Variants in CCSER1 observed in about 807,000 individuals in gnomAD.
The protein encoded by CCSER1 is coiled-coil serine rich protein 1.
A neutral mutation model predicts 82.0 loss-of-function variants in CCSER1; 41 were observed. The ratio of observed to expected loss-of-function variants is 0.50; its 90% CI spans 0.39 to 0.65. CCSER1 has a LOEUF of 0.65. Among genes scored for constraint, CCSER1 ranks in the 30% least tolerant of loss-of-function variants. CCSER1 has a pLI of 0.00. For synonymous variants in CCSER1, 414 were observed against 383.9 expected, an observed-to-expected ratio of 1.08 and a Z score of -0.92; for missense variants, 1,119 against 1,064.2, an observed-to-expected ratio of 1.05 and a Z score of -0.72.
intron 10 of CCSER1, chr4:91,319,114 C>A: frequency 3.6e-6 from 1 of 276,112 alleles, no homozygotes; most frequent in Non-Finnish European, 7.3e-6. Context: ...CAGACGGTAT[C>A]AGCTTCTGGA....
chr4:91,163,282 T>C (rs1183194354), intron 10 of CCSER1, among the ~76,000 whole-genome samples: 1 of 152,242 alleles, frequency 6.6e-6, no homozygotes, highest in Non-Finnish European at 1.5e-5. Context: ...TTGAGTACAC[T>C]ATGGTCTTAG....
chr4:91,502,225 A>G (rs1248709760), intron 10 of CCSER1, among the ~76,000 whole-genome samples: 2 of 152,168 alleles, frequency 1.3e-5, no homozygotes, highest in African/African-American at 4.8e-5. Flanking sequence ...TTCTTATTAA[A>G]GAGAGGAGAA....
At chr4:90,480,518 A>G (rs951393063) in intron 5 of CCSER1, among the ~76,000 whole-genome samples, 1 of 152,158 alleles carries the variant, frequency 6.6e-6, no homozygotes, top group African/African-American at 2.4e-5. Context: ...TAGGTCTAAC[A>G]TTTAAGTCTT....
intron 6 of CCSER1, among the ~76,000 whole-genome samples, chr4:90,717,360 GA>G (rs1331793973): frequency 2.6e-5 from 4 of 152,186 alleles, no homozygotes; most frequent in Non-Finnish European, 4.4e-5. Flanking sequence ...ATATTATAAA[GA>G]AAAAAGCTTG....
At chr4:90,607,297 G>C (rs1447234729) in intron 5 of CCSER1, among the ~76,000 whole-genome samples, 2 of 152,092 alleles carry the variant, frequency 1.3e-5, no homozygotes, top group Non-Finnish European at 2.9e-5. Flanking sequence ...GTGTTAAAAT[G>C]TTCTCATTCC....
intron 10 of CCSER1, among the ~76,000 whole-genome samples, chr4:91,170,756 G>T (rs1248173053): frequency 1.3e-5 from 2 of 152,050 alleles, no homozygotes; most frequent in Non-Finnish European, 2.9e-5. Flanking sequence ...CCACTTAATT[G>T]TCCCCTGATT....
intron 1 of CCSER1, among the ~76,000 whole-genome samples, chr4:90,200,640 G>A (rs969517951): frequency 4.0e-5 from 6 of 151,778 alleles, no homozygotes; most frequent in African/African-American, 1.5e-4. Flanking sequence ...ATAGATGAGT[G>A]TATTAATAAA....
intron 6 of CCSER1, among the ~76,000 whole-genome samples, chr4:90,717,757 C>T (rs912062918): frequency 2.1e-5 from 3 of 142,084 alleles, no homozygotes; most frequent in Non-Finnish European, 3.0e-5. Flanking sequence ...TATATATATA[C>T]ACACATATAT....
At chr4:90,829,989 T>C (rs896720874) in intron 8 of CCSER1, among the ~76,000 whole-genome samples, 2 of 152,172 alleles carry the variant, frequency 1.3e-5, no homozygotes, top group East Asian at 1.9e-4. Flanking sequence ...CCCAAGAAGC[T>C]GCTTCTCCCT....
At chr4:91,036,783 A>G (rs7661806) in intron 9 of CCSER1, among the ~76,000 whole-genome samples, 3 of 152,190 alleles carry the variant, frequency 2.0e-5, no homozygotes, top group Non-Finnish European at 4.4e-5. Context: ...AGGGTGAACT[A>G]TAGTGGGAAA....
chr4:90,658,720 A>C (rs60205286), intron 6 of CCSER1, among the ~76,000 whole-genome samples: 78,020 of 151,996 alleles, frequency 0.51, 20,273 homozygotes, highest in Middle Eastern at 0.66. Flanking sequence ...ACTTAAAAAG[A>C]TATAGTAACT....
At chr4:90,183,717 G>A (rs1734112934) in intron 1 of CCSER1, among the ~76,000 whole-genome samples, 1 of 152,132 alleles carries the variant, frequency 6.6e-6, no homozygotes, top group Non-Finnish European at 1.5e-5. Context: ...GACAACACTA[G>A]TAATCATTGT....
intron 4 of CCSER1, among the ~76,000 whole-genome samples, chr4:90,414,626 T>C (rs896457536): frequency 1.3e-5 from 2 of 152,180 alleles, no homozygotes; most frequent in Admixed American, 6.5e-5. Flanking sequence ...TGTATAGTAT[T>C]GTTTTTGTCA....
Position 90,155,505 on chromosome 4 carries a change from G to T in CCSER1, c.-42+27674G>T, listed in dbSNP as rs563497875. Among the ~76,000 whole-genome samples, 61 of 152,096 alleles carry T rather than the reference G, an allele frequency of 4.0e-4. No individual in the cohort carries two copies. In the East Asian group the frequency reaches 4.3e-3, roughly 11 times the overall value. On this transcript the variant is annotated intron_variant, in intron 1 of 10. Coordinates refer to ENST00000509176, the MANE Select transcript of CCSER1 (RefSeq NM_001145065.2). ...TAGAATTCAGCTGTGAATCCATCTG[G>T]TCCTGGACTCTTTTTGGTTGGTAAG...
At chr4:91,323,589 A>G (rs1746346119) in intron 10 of CCSER1, among the ~76,000 whole-genome samples, 1 of 152,178 alleles carries the variant, frequency 6.6e-6, no homozygotes, top group Non-Finnish European at 1.5e-5. Flanking sequence ...TAAGATACAT[A>G]GGTTAAGATA....
chr4:90,158,295 G>A (rs982455352), intron 1 of CCSER1, among the ~76,000 whole-genome samples: 3 of 152,180 alleles, frequency 2.0e-5, no homozygotes, highest in African/African-American at 7.2e-5. Context: ...ACTGGGGGGT[G>A]CCTCCCAGTT....
chr4:90,572,246 T>C (rs1422575496), intron 5 of CCSER1, among the ~76,000 whole-genome samples: 4 of 152,180 alleles, frequency 2.6e-5, no homozygotes, highest in African/African-American at 7.2e-5. Flanking sequence ...AACTCCCTTA[T>C]ATGTTGTCTC....
At position 91,481,890 on chromosome 4, in the gene CCSER1, A is replaced by C. The variant is rs1384409726; in HGVS notation, c.2218-116682A>C. On this transcript the variant is annotated intron_variant, in intron 10 of 10. Coordinates refer to ENST00000509176, the MANE Select transcript of CCSER1 (RefSeq NM_001145065.2). Reference sequence around the variant, plus strand: ...AATCTACTCATCTGACAAAGGGCTAATATCTAGAATTTACAAAGAACTCAA... The same window carrying C: ...AATCTACTCATCTGACAAAGGGCTACTATCTAGAATTTACAAAGAACTCAA... Among the ~76,000 whole-genome samples the C allele has an allele frequency of 3.3e-5, 5 of 152,302 alleles. No homozygotes were observed. The East Asian group carries it at 9.7e-4, about 29-fold the overall frequency.
Position 91,599,181 on chromosome 4 carries a change from G to T in CCSER1, c.*124G>T. ...TAGTTATAAACAGAGTTGTGTTGTT[G>T]GGTTTTTTTTCTTAGTCATAAACAA... On this transcript the variant is annotated 3_prime_UTR_variant, in exon 11 of 11. Coordinates refer to ENST00000509176, the MANE Select transcript of CCSER1 (RefSeq NM_001145065.2). The T allele has an allele frequency of 1.6e-6, 2 of 1,247,190 alleles. No individual in the cohort carries two copies. Among genetic ancestry groups the T allele is most frequent in the African/African-American group, 1.5e-5 (1 of 65,510 alleles). 77.3% of individuals were successfully genotyped at this position (1,247,190 alleles called of 1,614,324 possible).
Sources: gnomAD v4.1 joint callset for allele counts (sites outside exome capture counted in the v4.1 genomes callset) on GRCh38, gnomAD v4.1.1 for gene constraint, MANE v1.5 for transcripts, NCBI Gene and HGNC (gene_info 2026-07-23, HGNC 2026-07-21) for gene names.